AGFG1: variants seen among roughly 807,000 people sequenced by gnomAD.
AGFG1 encodes ArfGAP with FG repeats 1.
AGFG1 carries 10 observed loss-of-function variants against 60.6 expected under a neutral mutation model. That is an observed-to-expected ratio of 0.16 (90% CI 0.10 to 0.28). The LOEUF (loss-of-function observed/expected upper bound fraction) is 0.28. AGFG1 is among the 10% of genes least tolerant of loss of function. AGFG1 has a pLI of 1.00. For missense variants in AGFG1, 537 were observed against 676.5 expected (o/e 0.79, Z 2.29); for synonymous variants, 247 against 242.9 (o/e 1.02, Z -0.16).
chr2:227,517,068 G>C (rs1196328537), intron 2 of AGFG1, among the ~76,000 whole-genome samples: 1 of 152,124 alleles, frequency 6.6e-6, no homozygotes, highest in African/African-American at 2.4e-5. Flanking sequence ...GGACAAGCTG[G>C]GTCTCTTAAA....
Position 227,529,433 on chromosome 2 carries a change from C to G in AGFG1, c.695-1658C>G, listed in dbSNP as rs1692097290. 2.6e-5 allele frequency among the ~76,000 whole-genome samples: 4 copies of G among 152,090 alleles called. No individual in the cohort carries two copies. The South Asian group carries it at 8.3e-4, about 32-fold the overall frequency. ...ATGATAATTATTCACATATGCCAGT[C>G]TGGTTCATTAGCATTGTTTTGTAGG... is the stretch of plus-strand genomic sequence containing the variant. On this transcript the variant is annotated intron_variant, in intron 5 of 12. Coordinates refer to ENST00000310078, the MANE Select transcript of AGFG1 (RefSeq NM_004504.5).
chr2:227,514,890 G>T (rs1691608945), intron 2 of AGFG1, among the ~76,000 whole-genome samples: 1 of 151,930 alleles, frequency 6.6e-6, no homozygotes. Flanking sequence ...TCTTCTTGTT[G>T]CAGTCATACC....
intron 5 of AGFG1, among the ~76,000 whole-genome samples, chr2:227,530,379 G>A (rs1692123603): frequency 6.6e-6 from 1 of 152,082 alleles, no homozygotes; most frequent in Admixed American, 6.6e-5. Context: ...TCAGTACCTA[G>A]AAGTAAAAAT....
rs761100669 is a variant in AGFG1, at chr2:227,523,791, G to A, written c.406G>A (p.Val136Met). Residue 136 changes from valine (V) to methionine (M), a missense_variant, in exon 4 of 13, where the codon GTG becomes ATG. Val to Met is a conservative substitution (Grantham distance 21). Transcript: ENST00000310078. ...TGTCCCGCCAGAACAAGCCAAAGTC[G>A]TGGCATCAGTTCATGCATCTATTTC... ...WYVPPEQAKV[V>M]ASVHASISGS... The A allele has an allele frequency of 9.3e-6, 15 of 1,613,254 alleles. No homozygotes were observed. The highest frequency in any genetic ancestry group is 4.0e-5 in the African/African-American group (3 of 74,922).
intron 10 of AGFG1, among the ~76,000 whole-genome samples, chr2:227,549,740 G>A (rs1692766053): frequency 6.6e-6 from 1 of 152,112 alleles, no homozygotes; most frequent in Non-Finnish European, 1.5e-5. Context: ...AGCTTATGAT[G>A]CCTACAAAGC....
chr2:227,532,221 T>G (rs779347436), intron 6 of AGFG1: 1 of 1,538,822 alleles, frequency 6.5e-7, no homozygotes, highest in South Asian at 1.2e-5. Flanking sequence ...TAAGTTCTGT[T>G]GTCAAGTAGG....
intron 1 of AGFG1, among the ~76,000 whole-genome samples, chr2:227,480,390 ATTTC>A (rs1690421878): frequency 6.6e-6 from 1 of 151,274 alleles, no homozygotes. Flanking sequence ...GTCTTTCCAT[ATTTC>A]TTATTTTATT....
At chr2:227,525,501 C>T (rs1691967041) in intron 5 of AGFG1, among the ~76,000 whole-genome samples, 1 of 152,130 alleles carries the variant, frequency 6.6e-6, no homozygotes, top group Admixed American at 6.5e-5. Flanking sequence ...TACATACATA[C>T]AGTTTGTTTG....
At chr2:227,545,137 C>G (rs1692607582) in intron 10 of AGFG1, among the ~76,000 whole-genome samples, 1 of 152,184 alleles carries the variant, frequency 6.6e-6, no homozygotes, top group South Asian at 2.1e-4. Flanking sequence ...TCCCGTAGTT[C>G]TTGGAGGCTT....
At chr2:227,543,302 A>G (rs1014654733) in intron 10 of AGFG1, among the ~76,000 whole-genome samples, 1 of 151,534 alleles carries the variant, frequency 6.6e-6, no homozygotes. Context: ...AGTGCTATAA[A>G]TTTTCCTCTA....
chr2:227,487,489 T>A (rs922211295), intron 1 of AGFG1, among the ~76,000 whole-genome samples: 2 of 152,376 alleles, frequency 1.3e-5, no homozygotes, highest in African/African-American at 2.4e-5. Context: ...TCATACTTTT[T>A]AAAATTGTTA....
rs1018635694 is a variant in AGFG1 at position 227,556,503 on chromosome 2, G to C, written c.*2008G>C. On this transcript the variant is annotated 3_prime_UTR_variant, in exon 13 of 13. Coordinates refer to ENST00000310078, the MANE Select transcript of AGFG1 (RefSeq NM_004504.5). The stretch of plus-strand genomic sequence containing the variant: ...CTCCACATTTTGGAGGACTTCCTCA[G>C]CCCTTTTCATTGAGGGAAAATATAT... 1 of 152,608 alleles carries C rather than the reference G, an allele frequency of 6.6e-6. No homozygotes were observed. Among genetic ancestry groups the C allele is most frequent in the African/African-American group, 2.4e-5 (1 of 41,434 alleles). The allele number at this position is 152,608 out of a possible 1,614,324, so 9.5% of individuals were successfully genotyped here.
intron 2 of AGFG1, among the ~76,000 whole-genome samples, chr2:227,497,845 A>T (rs935391023): frequency 1.4e-5 from 2 of 145,792 alleles, no homozygotes; most frequent in Admixed American, 7.1e-5. Flanking sequence ...CCCAGATTCA[A>T]GTGATTCTCC....
intron 4 of AGFG1, among the ~76,000 whole-genome samples, chr2:227,524,183 C>CTA (rs964498169): frequency 4.6e-5 from 7 of 151,752 alleles, no homozygotes; most frequent in East Asian, 3.9e-4. Context: ...GTTGCTATAG[C>CTA]TATATATATG....
intron 3 of AGFG1, among the ~76,000 whole-genome samples, chr2:227,520,772 T>C (rs1691800334): frequency 6.6e-6 from 1 of 152,222 alleles, no homozygotes; most frequent in Non-Finnish European, 1.5e-5. Flanking sequence ...CTATGAACTT[T>C]TGGTTATTTC....
chr2:227,477,551 A>G (rs1465465579), intron 1 of AGFG1, among the ~76,000 whole-genome samples: 1 of 152,222 alleles, frequency 6.6e-6, no homozygotes, highest in Non-Finnish European at 1.5e-5. Flanking sequence ...TTGGGGATTT[A>G]AATGGTAGAT....
At chr2:227,483,914 C>G (rs889444749) in intron 1 of AGFG1, among the ~76,000 whole-genome samples, 1 of 151,796 alleles carries the variant, frequency 6.6e-6, no homozygotes, top group Non-Finnish European at 1.5e-5. Flanking sequence ...TTGTGGAATT[C>G]CGTTTTCTTT....
intron 10 of AGFG1, among the ~76,000 whole-genome samples, chr2:227,541,475 T>C (rs1166091490): frequency 3.9e-5 from 6 of 152,226 alleles, no homozygotes; most frequent in Admixed American, 2.6e-4. Context: ...TTCTTGTTTT[T>C]GTCAGGTTTG....
In AGFG1 at chr2:227,489,223, G is replaced by GTTTTTTTTTTTTTTTTTTT. The variant is rs55762248; in HGVS notation, c.168-2317_168-2299dup. On this transcript the variant is annotated intron_variant, in intron 1 of 12. Coordinates refer to ENST00000310078, the MANE Select transcript of AGFG1 (RefSeq NM_004504.5). ...TGTTTCTTCAGAGTTAGTTTTGAGA[G>GTTTTTTTTTTTTTTTTTTT]TTTTTTTTTTTTTTTTTTTTTTTTT... 2.7e-5 allele frequency among the ~76,000 whole-genome samples: 2 copies of GTTTTTTTTTTTTTTTTTTT among 74,782 alleles called. 1 individual carries two copies. The allele number at this position is 74,782 out of a possible 152,430, so 49.1% of individuals were successfully genotyped here. A position where few individuals can be genotyped will look rare whatever the true frequency, so the allele number is the denominator to read the frequency against.
Sources: gnomAD v4.1 joint callset for allele counts (sites outside exome capture counted in the v4.1 genomes callset) on GRCh38, gnomAD v4.1.1 for gene constraint, MANE v1.5 for transcripts, NCBI Gene and HGNC (gene_info 2026-07-23, HGNC 2026-07-21) for gene names.